MYO16: variants seen among roughly 807,000 people sequenced by gnomAD.
The protein encoded by MYO16 is unconventional myosin-XVI.
A neutral mutation model predicts 205.3 loss-of-function variants in MYO16; 94 were observed. The ratio of observed to expected loss-of-function variants is 0.46; its 90% CI spans 0.39 to 0.54. The LOEUF (loss-of-function observed/expected upper bound fraction) is 0.54, where lower values mean the gene tolerates loss of function less well. Among genes scored for constraint, MYO16 ranks in the 20% least tolerant of loss-of-function variants. The pLI is 0.00. For missense variants in MYO16, 2,315 were observed against 2,387.5 expected, an observed-to-expected ratio of 0.97 and a Z score of 0.63; for synonymous variants, 988 against 954.0, an observed-to-expected ratio of 1.04 and a Z score of -0.66.
At chr13:108,535,967 A>G in the MYO16 span, among the ~76,000 whole-genome samples, 2 of 152,142 alleles carry the variant, frequency 1.3e-5, no homozygotes, top group African/African-American at 2.4e-5. Context: ...GTGGAACTCC[A>G]CATGTTTAGC....
At chr13:108,973,511 G>C (rs942116965) in intron 20 of MYO16, among the ~76,000 whole-genome samples, 2 of 152,134 alleles carry the variant, frequency 1.3e-5, no homozygotes, top group African/African-American at 4.8e-5. Context: ...AAGCCAATGT[G>C]AGATTTCCTA....
In MYO16 at chr13:109,055,868, T is replaced by G. The variant is rs1887402342; in HGVS notation, c.3335+273T>G. ...GTGTGGCTTTCCTTGGATTAAAGTT[T>G]TGTAAAATGATTGCATGTGATATTT... On this transcript the variant is annotated intron_variant, in intron 27 of 34. Transcript: ENST00000457511. This position sits in a 1 kb window ranked among gnomAD's most constrained non-coding sequence, Gnocchi z 5.0. 1 of 300,318 alleles carries G rather than the reference T, an allele frequency of 3.3e-6. No individual in the cohort carries two copies. The highest frequency in any genetic ancestry group is 6.2e-6 in the Non-Finnish European group (1 of 161,548). 18.6% of individuals were successfully genotyped at this position (300,318 alleles called of 1,614,324 possible). A position where few individuals can be genotyped will look rare whatever the true frequency, so the allele number is the denominator to read the frequency against.
chr13:108,845,382 G>A (rs1399367060), intron 10 of MYO16, among the ~76,000 whole-genome samples: 1 of 152,162 alleles, frequency 6.6e-6, no homozygotes, highest in Non-Finnish European at 1.5e-5. Context: ...AGTCGTGGAG[G>A]CATCTGGATT....
chr13:109,200,303 C>T (rs1023653366), intron 34 of MYO16, among the ~76,000 whole-genome samples: 4 of 152,096 alleles, frequency 2.6e-5, no homozygotes, highest in Non-Finnish European at 4.4e-5. Flanking sequence ...TCTGGCAATT[C>T]TTATATACCT....
At chr13:109,120,535 C>T (rs1187238904) in intron 29 of MYO16, 69 bp downstream of exon 29, 3 of 1,229,424 alleles carry the variant, frequency 2.4e-6, no homozygotes, top group South Asian at 2.7e-5. Flanking sequence ...TAGTGCATCC[C>T]CAAGTTTAAA....
the MYO16 span, among the ~76,000 whole-genome samples, chr13:108,543,367 G>A: frequency 5.1e-4 from 77 of 152,224 alleles, no homozygotes; most frequent in Admixed American, 2.4e-3. Flanking sequence ...ATCCCAGGCC[G>A]GGCTCAGTGG....
chr13:109,070,613 G>A (rs1252094690), intron 27 of MYO16, among the ~76,000 whole-genome samples: 2 of 152,142 alleles, frequency 1.3e-5, no homozygotes, highest in South Asian at 2.1e-4. Flanking sequence ...TTGACATTGG[G>A]TGGGTTAATA....
rs1877102887 is a variant in MYO16, at chr13:109,141,635, TA to T, written c.5164+262del. 2.0e-5 allele frequency among the ~76,000 whole-genome samples: 3 copies of T among 152,240 alleles called. No individual in the cohort carries two copies. In the South Asian group the frequency reaches 6.2e-4, roughly 32 times the overall value. The stretch of plus-strand genomic sequence containing the variant: ...AGACGCAGACCGCAACTGGATTTAA[TA>T]AATTATAACTTGATAAATGTTCGAC... On this transcript the variant is annotated intron_variant, in intron 32 of 34. Coordinates refer to ENST00000457511, the MANE Select transcript of MYO16 (RefSeq NM_001198950.3). This position sits in a 1 kb window ranked among gnomAD's most constrained non-coding sequence, Gnocchi z 4.1.
At chr13:108,916,608 G>A (rs1470855588) in intron 16 of MYO16, among the ~76,000 whole-genome samples, 1 of 152,120 alleles carries the variant, frequency 6.6e-6, no homozygotes, top group Non-Finnish European at 1.5e-5. Context: ...TTTTAATCTA[G>A]AAGATCATAA....
intron 17 of MYO16, among the ~76,000 whole-genome samples, chr13:108,958,243 T>C (rs1883457302): frequency 6.8e-6 from 1 of 147,802 alleles, no homozygotes; most frequent in Admixed American, 6.8e-5. Flanking sequence ...TTTAAATATA[T>C]ATAATATTCA....
intron 23 of MYO16, among the ~76,000 whole-genome samples, chr13:109,038,187 C>A (rs1182812828): frequency 6.6e-6 from 1 of 152,170 alleles, no homozygotes; most frequent in Non-Finnish European, 1.5e-5. Flanking sequence ...TGATGATTAA[C>A]TTATGTGTCG....
chr13:108,499,052 C>A, the MYO16 span, among the ~76,000 whole-genome samples: 1 of 152,156 alleles, frequency 6.6e-6, no homozygotes, highest in African/African-American at 2.4e-5. Flanking sequence ...ATCCTAATAG[C>A]CTGCCCTGGA....
intron 16 of MYO16, among the ~76,000 whole-genome samples, chr13:108,957,451 G>A (rs576256721): frequency 3.3e-4 from 50 of 150,898 alleles, no homozygotes; most frequent in South Asian, 2.7e-3. Context: ...GAAAGGTGCA[G>A]CTAAGATGAA....
chr13:109,194,557 A>G (rs1031909112), intron 34 of MYO16, among the ~76,000 whole-genome samples: 1 of 152,180 alleles, frequency 6.6e-6, no homozygotes, highest in Non-Finnish European at 1.5e-5. Context: ...TTGAGGGGGC[A>G]TCTATCAGGC....
rs182320504 is a variant in MYO16 at position 108,722,386 on chromosome 13, G to T, written c.364-5054G>T. On this transcript the variant is annotated intron_variant, in intron 3 of 34. Transcript: ENST00000457511. ...ATTATAAGAACATTGTAACAGGAAT[G>T]TTCCACCATCACACTCTTTTCAGAC... Among the ~76,000 whole-genome samples, 251 of 152,284 alleles carry T rather than the reference G, an allele frequency of 1.6e-3. 1 individual carries two copies. Among genetic ancestry groups the T allele is most frequent in the African/African-American group, 5.8e-3 (239 of 41,556 alleles).
intron 1 of MYO16, among the ~76,000 whole-genome samples, chr13:108,657,024 G>A (rs538406895): frequency 2.6e-5 from 4 of 152,302 alleles, no homozygotes; most frequent in East Asian, 3.9e-4. Flanking sequence ...AGGCACATAC[G>A]CCTGCTGCAG....
At chr13:109,065,580 A>G (rs1431267) in intron 27 of MYO16, 348,711 of 475,394 alleles carry the variant, frequency 0.73, 128,456 homozygotes, top group East Asian at 0.89. Flanking sequence ...AAGTCCCTAC[A>G]GGAGATGTTT....
intron 10 of MYO16, among the ~76,000 whole-genome samples, chr13:108,853,737 G>A (rs112487999): frequency 2.4e-3 from 358 of 151,552 alleles, no homozygotes; most frequent in African/African-American, 8.0e-3. Context: ...CAAGTAGCTG[G>A]GACTACAGTG....
At chr13:109,023,815 A>G (rs908778926) in intron 23 of MYO16, among the ~76,000 whole-genome samples, 17 of 136,302 alleles carry the variant, frequency 1.2e-4, no homozygotes, top group Admixed American at 5.4e-4. Flanking sequence ...ACATATATTT[A>G]TATTTTATAT....
Sources: allele counts gnomAD v4.1 joint callset (sites outside exome capture counted in the v4.1 genomes callset), GRCh38; gene constraint gnomAD v4.1.1; non-coding constraint Gnocchi (gnomAD v3.1); transcripts MANE v1.5; gene names NCBI Gene and HGNC (gene_info 2026-07-23, HGNC 2026-07-21).